ZFAT: variants seen among roughly 807,000 people sequenced by gnomAD.
The protein encoded by ZFAT is zinc finger protein ZFAT.
A neutral mutation model predicts 117.7 loss-of-function variants in ZFAT; 64 were observed. The observed-to-expected ratio is 0.54, with a 90% CI of 0.44 to 0.67. ZFAT has a LOEUF of 0.67. Ranked by LOEUF, ZFAT falls within the 30% of genes least tolerant of loss-of-function variation. ZFAT has a pLI of 0.00. For synonymous variants in ZFAT, 679 were observed against 615.0 expected, an observed-to-expected ratio of 1.10 and a Z score of -1.54; for missense variants, 1,433 against 1,584.5, an observed-to-expected ratio of 0.90 and a Z score of 1.62.
At chr8:134,669,613 A>G (rs1832446406) in intron 1 of ZFAT, among the ~76,000 whole-genome samples, 1 of 152,196 alleles carries the variant, frequency 6.6e-6, no homozygotes, top group Non-Finnish European at 1.5e-5. Flanking sequence ...CACTAAACAT[A>G]GAAAGGAACA....
At chr8:134,749,095 A>C in the ZFAT span, among the ~76,000 whole-genome samples, 1 of 152,048 alleles carries the variant, frequency 6.6e-6, no homozygotes, top group African/African-American at 2.4e-5. Context: ...TGTGGCTTGT[A>C]TTTTAACTCT....
At chr8:134,581,746 C>T (rs570839881) in intron 10 of ZFAT, among the ~76,000 whole-genome samples, 7 of 152,194 alleles carry the variant, frequency 4.6e-5, no homozygotes, top group South Asian at 4.2e-4. Context: ...CACCATGCCC[C>T]GTTAATTTTT....
intron 12 of ZFAT, among the ~76,000 whole-genome samples, chr8:134,521,912 T>C (rs1820688174): frequency 6.6e-6 from 1 of 152,202 alleles, no homozygotes; most frequent in Admixed American, 6.5e-5. Flanking sequence ...TGTCTGGAAC[T>C]GTGAGCTACC....
At chr8:134,572,326 A>C (rs1466217821) in intron 10 of ZFAT, among the ~76,000 whole-genome samples, 1 of 152,258 alleles carries the variant, frequency 6.6e-6, no homozygotes, top group Non-Finnish European at 1.5e-5. Context: ...ATTTTTATGA[A>C]CATTGTTTTC....
At chr8:134,538,035 C>G (rs1206843173) in intron 11 of ZFAT, among the ~76,000 whole-genome samples, 1 of 152,172 alleles carries the variant, frequency 6.6e-6, no homozygotes, top group South Asian at 2.1e-4. Flanking sequence ...CAGAGGACAG[C>G]TCCAGGCTGC....
chr8:134,634,495 G>A (rs1238578882), intron 3 of ZFAT, among the ~76,000 whole-genome samples: 1 of 54,620 alleles, frequency 1.8e-5, no homozygotes, highest in Non-Finnish European at 4.0e-5. Flanking sequence ...CTTTCTGGGC[G>A]CAATATTAAC....
the ZFAT span, among the ~76,000 whole-genome samples, chr8:134,778,153 T>A: frequency 1.3e-5 from 2 of 152,228 alleles, no homozygotes; most frequent in African/African-American, 4.8e-5. Context: ...GTAAGCCTTT[T>A]AAAAATTAAT....
chr8:134,803,495 T>C, the ZFAT span, among the ~76,000 whole-genome samples: 1 of 152,276 alleles, frequency 6.6e-6, no homozygotes, highest in South Asian at 2.1e-4. Context: ...GCTTGATGCA[T>C]GCTAATCATC....
intron 11 of ZFAT, among the ~76,000 whole-genome samples, chr8:134,556,759 T>C (rs951781160): frequency 3.3e-5 from 5 of 152,148 alleles, no homozygotes; most frequent in African/African-American, 4.8e-5. Context: ...GAGAATTTAA[T>C]TCTAGCATAC....
intron 1 of ZFAT, among the ~76,000 whole-genome samples, chr8:134,700,417 T>C (rs1175036157): frequency 6.6e-6 from 1 of 151,834 alleles, no homozygotes. Flanking sequence ...CCAATGGAGG[T>C]AGAGACTCAG....
intron 1 of ZFAT, among the ~76,000 whole-genome samples, chr8:134,692,220 G>GC (rs1214901441): frequency 6.6e-6 from 1 of 152,178 alleles, no homozygotes; most frequent in Non-Finnish European, 1.5e-5. Flanking sequence ...GGGTGGGAAA[G>GC]CCCCCAGTCC....
At chr8:134,588,148 G>A in intron 9 of ZFAT, 98 bp downstream of exon 9, 1 of 1,352,140 alleles carries the variant, frequency 7.4e-7, no homozygotes, top group Non-Finnish European at 9.9e-7. Flanking sequence ...TCTAACAGCA[G>A]GGATGTGAAG....
intron 2 of ZFAT, among the ~76,000 whole-genome samples, chr8:134,654,531 C>G (rs1443858597): frequency 6.6e-6 from 1 of 152,112 alleles, no homozygotes; most frequent in African/African-American, 2.4e-5. Context: ...GCCTACAGTA[C>G]CAAGAGAAGG....
the ZFAT span, among the ~76,000 whole-genome samples, chr8:134,774,455 C>T: frequency 1.3e-5 from 2 of 152,194 alleles, no homozygotes; most frequent in Non-Finnish European, 2.9e-5. Flanking sequence ...CAGCAACCAC[C>T]ACAATGATCA....
At chr8:134,544,575 G>C (rs76863375) in intron 11 of ZFAT, among the ~76,000 whole-genome samples, 1,744 of 151,802 alleles carry the variant, frequency 0.011, 35 homozygotes, top group African/African-American at 0.04. Context: ...AAGAGATAAA[G>C]AATTCCTGAA....
intron 8 of ZFAT, among the ~76,000 whole-genome samples, 198 bp downstream of exon 8, chr8:134,590,070 G>C (rs535633219): frequency 6.6e-6 from 1 of 152,312 alleles, no homozygotes; most frequent in South Asian, 2.1e-4. Flanking sequence ...TGCATCTGAA[G>C]ACCAGATAAA....
In ZFAT at chr8:134,603,050, G is replaced by A. The variant is rs148144107; in HGVS notation, c.786-117C>T. On this transcript the variant is annotated intron_variant, in intron 5 of 15. Coordinates refer to ENST00000377838, the MANE Select transcript of ZFAT (RefSeq NM_020863.4). ...GAAAAGTGAACAAAACTGGACAGACGCTGGATGGGTGCAGTCACTCACTCA... is the reference window on the plus strand; with the variant it reads ...GAAAAGTGAACAAAACTGGACAGACACTGGATGGGTGCAGTCACTCACTCA... 9.1e-3 allele frequency: 12,533 copies of A among 1,378,200 alleles called. 68 individuals carry two copies. Among genetic ancestry groups the A allele is most frequent in the Non-Finnish European group, 0.01 (10,564 of 1,013,898 alleles). The allele number at this position is 1,378,200 out of a possible 1,614,324, so 85.4% of individuals were successfully genotyped here. A position where few individuals can be genotyped will look rare whatever the true frequency, so the allele number is the denominator to read the frequency against.
intron 2 of ZFAT, among the ~76,000 whole-genome samples, chr8:134,651,620 C>T (rs1183005055): frequency 6.6e-6 from 1 of 151,858 alleles, no homozygotes; most frequent in African/African-American, 2.4e-5. Context: ...ACGCAGAATG[C>T]AGCACAAGAT....
chr8:134,799,656 C>T, the ZFAT span, among the ~76,000 whole-genome samples: 105 of 152,220 alleles, frequency 6.9e-4, no homozygotes, highest in African/African-American at 2.4e-3. Context: ...TTAATAACTT[C>T]CCCCAAAGTA....
Sources: allele counts gnomAD v4.1 joint callset (sites outside exome capture counted in the v4.1 genomes callset), GRCh38; gene constraint gnomAD v4.1.1; transcripts MANE v1.5; gene names NCBI Gene and HGNC (gene_info 2026-07-23, HGNC 2026-07-21).